PDE4DIP: variants seen among roughly 807,000 people sequenced by gnomAD.
The protein encoded by PDE4DIP is phosphodiesterase 4D interacting protein, also known as myomegalin.
In PDE4DIP, 59 loss-of-function variants were observed where a neutral mutation model predicts 221.4. The ratio of observed to expected loss-of-function variants is 0.27; its 90% CI spans 0.22 to 0.33. The LOEUF (loss-of-function observed/expected upper bound fraction) is 0.33, where lower values mean the gene tolerates loss of function less well. Ranked by LOEUF, PDE4DIP falls within the 10% of genes least tolerant of loss-of-function variation. The probability of loss-of-function intolerance (pLI) is 1.00; values close to 1 mark genes in which losing one functional copy is unlikely to be tolerated. For synonymous variants in PDE4DIP, 404 were observed against 815.9 expected (o/e 0.50, Z 8.60); for missense variants, 1,036 against 2,154.2 (o/e 0.48, Z 10.28).
At chr1:148,999,465 T>C (rs1162191365) in intron 23 of PDE4DIP, among the ~76,000 whole-genome samples, 1 of 152,228 alleles carries the variant, frequency 6.6e-6, no homozygotes, top group Non-Finnish European at 1.5e-5. Flanking sequence ...AAGTTTCAAG[T>C]GACTTGCTCA....
intron 4 of PDE4DIP, among the ~76,000 whole-genome samples, chr1:148,934,640 G>C (rs1314416211): frequency 6.6e-6 from 1 of 152,142 alleles, no homozygotes; most frequent in Non-Finnish European, 1.5e-5. Context: ...GTCTCGCTCT[G>C]TTGCCCAGGG....
chr1:148,816,720 CTT>C (rs1387380926), intron 1 of PDE4DIP, among the ~76,000 whole-genome samples: 5 of 66,710 alleles, frequency 7.5e-5, no homozygotes, highest in Admixed American at 1.7e-4. Context: ...GTGAAAAAGT[CTT>C]TATTTCACCT....
chr1:149,010,529 A>C (rs1450758695), exon 31 of PDE4DIP: 3 of 1,613,988 alleles, frequency 1.9e-6, no homozygotes, highest in African/African-American at 1.3e-5. Context: ...GGCCGAATCC[A>C]ACAGCAACCC....
At chr1:148,953,150 A>G (rs1200482716) in intron 5 of PDE4DIP, 2 of 1,614,102 alleles carry the variant, frequency 1.2e-6, no homozygotes, top group Admixed American at 1.7e-5. Context: ...ACCCGATGCG[A>G]GATACTCTGC....
Position 148,981,250 on chromosome 1 carries a change from C to T in PDE4DIP, c.2688-20C>T. 1 of 1,611,844 alleles carries T rather than the reference C, an allele frequency of 6.2e-7. No homozygotes were observed. Among genetic ancestry groups the T allele is most frequent in the East Asian group, 2.2e-5 (1 of 44,864 alleles). ...GTTGATGGCTAATCCACTTTCCTTCCATGTGGCATGTTTAATCAGCTCTGA... is the reference window on the plus strand; with the variant it reads ...GTTGATGGCTAATCCACTTTCCTTCTATGTGGCATGTTTAATCAGCTCTGA... On this transcript the variant is annotated intron_variant, in intron 20 of 43. Coordinates refer to ENST00000369354, the Ensembl canonical transcript of PDE4DIP.
rs2073350501 is a variant in PDE4DIP, at chr1:149,022,578, ATAATT to A, written c.6085+1429_6085+1433del. Among the ~76,000 whole-genome samples, 3 of 152,266 alleles carry A rather than the reference ATAATT, an allele frequency of 2.0e-5. No homozygotes were observed. In the South Asian group the frequency reaches 6.2e-4, roughly 31 times the overall value. On this transcript the variant is annotated intron_variant, in intron 37 of 43. Coordinates refer to ENST00000369354, the Ensembl canonical transcript of PDE4DIP. ...AGAGGGGGCTCACCAGGCTGGGAGAATAATTTAAGTACACAGTCATGGTGAGTGTT... is the reference window on the plus strand; with the variant it reads ...AGAGGGGGCTCACCAGGCTGGGAGAATAAGTACACAGTCATGGTGAGTGTT...
Position 149,018,636 on chromosome 1 carries a change from G to A in PDE4DIP, c.5745G>A (p.Gln1915=), listed in dbSNP as rs149387419. 5.0e-6 allele frequency: 8 copies of A among 1,612,640 alleles called. No individual in the cohort carries two copies. In the African/African-American group the frequency reaches 6.7e-5, roughly 13 times the overall value. ...TCAGGGAAGACAATCGAAGACTTCA[G>A]GCTCAACTGAGTCATGTTTCCAGAG... The change falls in exon 35 of 44, where the codon CAG becomes CAA. Residue 1915 remains glutamine, a synonymous_variant. Coordinates refer to ENST00000369354, the Ensembl canonical transcript of PDE4DIP.
intron 20 of PDE4DIP, among the ~76,000 whole-genome samples, chr1:148,980,527 T>C (rs1553541687): frequency 6.6e-6 from 1 of 152,260 alleles, no homozygotes; most frequent in African/African-American, 2.4e-5. Flanking sequence ...ATTTTTCTTC[T>C]ACCTCTTGAT....
intron 5 of PDE4DIP, among the ~76,000 whole-genome samples, chr1:148,954,293 A>T (rs2054556316): frequency 6.6e-6 from 1 of 151,794 alleles, no homozygotes; most frequent in Non-Finnish European, 1.5e-5. Context: ...AGATTTATAG[A>T]CGTTTCCTCC....
intron 31 of PDE4DIP, among the ~76,000 whole-genome samples, chr1:149,011,173 G>T (rs1244568365): frequency 2.0e-5 from 3 of 146,970 alleles, no homozygotes; most frequent in African/African-American, 7.6e-5. Context: ...CTTAGTTGCC[G>T]GAGGGTACAC....
At chr1:148,999,708 T>A (rs1559233631) in intron 23 of PDE4DIP, among the ~76,000 whole-genome samples, 1 of 151,818 alleles carries the variant, frequency 6.6e-6, no homozygotes, top group Admixed American at 6.6e-5. Flanking sequence ...ACAGTACATC[T>A]CTTTTGATTC....
chr1:148,823,581 A>C (rs1447975099), intron 1 of PDE4DIP, among the ~76,000 whole-genome samples: 5 of 150,342 alleles, frequency 3.3e-5, no homozygotes, highest in African/African-American at 1.2e-4. Flanking sequence ...CAATGAAGGA[A>C]ATGTTAACAT....
At chr1:148,980,449 A>G (rs35763597) in intron 20 of PDE4DIP, among the ~76,000 whole-genome samples, 11,416 of 152,210 alleles carry the variant, frequency 0.075, 869 homozygotes, top group East Asian at 0.46. Flanking sequence ...TAATATCATC[A>G]AAGAAAATAT....
intron 5 of PDE4DIP, chr1:148,952,378 C>T (rs1458232796): frequency 2.0e-5 from 21 of 1,073,422 alleles, no homozygotes; most frequent in African/African-American, 3.3e-5. Context: ...AAATCTGATC[C>T]TCCATCCCCG....
At chr1:148,893,099 GTGTA>G (rs1699323217) in intron 1 of PDE4DIP, among the ~76,000 whole-genome samples, 1 of 125,774 alleles carries the variant, frequency 8.0e-6, no homozygotes, top group African/African-American at 3.0e-5. Context: ...GTGTGTGTGT[GTGTA>G]TGTATTTTTT....
exon 44 of PDE4DIP, chr1:149,032,316 A>T (rs1367640146): frequency 6.8e-6 from 4 of 584,278 alleles, no homozygotes; most frequent in Non-Finnish European, 9.2e-6. Context: ...AACTAGCAAG[A>T]GCACATTTCT....
chr1:148,952,018 T>G (rs587625049), intron 5 of PDE4DIP: 4 of 999,022 alleles, frequency 4.0e-6, no homozygotes, highest in Non-Finnish European at 4.8e-6. Flanking sequence ...CTAGCGGCGC[T>G]GCCCCGCTGG....
At chr1:148,986,467 G>T (rs1192917814) in intron 21 of PDE4DIP, 1 of 152,052 alleles carries the variant, frequency 6.6e-6, no homozygotes, top group African/African-American at 2.4e-5. Flanking sequence ...ATTATCAAAG[G>T]CCAACAGAAA....
At chr1:148,980,130 C>T (rs2060841712) in intron 20 of PDE4DIP, among the ~76,000 whole-genome samples, 1 of 152,238 alleles carries the variant, frequency 6.6e-6, no homozygotes, top group South Asian at 2.1e-4. Context: ...CAATGCCTTG[C>T]ATGTAGTAAG....
Sources: allele counts gnomAD v4.1 joint callset (sites outside exome capture counted in the v4.1 genomes callset), GRCh38; gene constraint gnomAD v4.1.1; transcripts MANE v1.5; gene names NCBI Gene and HGNC (gene_info 2026-07-23, HGNC 2026-07-21).